HAGH: variants seen among roughly 807,000 people sequenced by gnomAD.
HAGH encodes hydroxyacylglutathione hydrolase.
A neutral mutation model predicts 35.1 loss-of-function variants in HAGH; 29 were observed. That is an observed-to-expected ratio of 0.83 (90% CI 0.62 to 1.13). The LOEUF is 1.13. HAGH is among the 50% of genes most tolerant of loss of function. The pLI is 0.00. For synonymous variants in HAGH, 225 were observed against 176.1 expected (o/e 1.28, Z -2.20); for missense variants, 478 against 419.6 (o/e 1.14, Z -1.22).
rs939422802 is a variant in HAGH at position 1,819,284 on chromosome 16, T to A, written c.433-61A>T. Reference sequence around the variant, plus strand: ...CACCCTGGAGAGCCATCTCCCGGGGTCACGGCGCGCCGCCTGGGCCCTACT... The same window carrying A: ...CACCCTGGAGAGCCATCTCCCGGGGACACGGCGCGCCGCCTGGGCCCTACT... On this transcript the variant is annotated intron_variant, in intron 4 of 8. Coordinates refer to ENST00000397356, the MANE Select transcript of HAGH (RefSeq NM_005326.6). The A allele has an allele frequency of 3.6e-6, 4 of 1,108,802 alleles. No homozygotes were observed. In the African/African-American group the frequency reaches 6.2e-5, roughly 17 times the overall value. The allele number at this position is 1,108,802 out of a possible 1,614,324, so 68.7% of individuals were successfully genotyped here. A position where few individuals can be genotyped will look rare whatever the true frequency, so the allele number is the denominator to read the frequency against.
chr16:1,827,003 G>GGCT, upstream of HAGH: 1 of 668,512 alleles, frequency 1.5e-6, no homozygotes. Flanking sequence ...CGGCGGCGGC[G>GGCT]GCCCGAGAGC....
intron 2 of HAGH, 38 bp from the exon 3 acceptor site, chr16:1,822,402 C>T: frequency 3.4e-6 from 5 of 1,492,382 alleles, no homozygotes; most frequent in Non-Finnish European, 4.7e-6. Context: ...GCCTGTCACA[C>T]TCCTAGGCCT....
At position 1,816,931 on chromosome 16, in the gene HAGH, C is replaced by A. The variant is rs146616406; in HGVS notation, c.709G>T (p.Gly237Cys). 4 of 1,613,830 alleles carry A rather than the reference C, an allele frequency of 2.5e-6. No homozygotes were observed. The highest frequency in any genetic ancestry group is 2.5e-6 in the Non-Finnish European group (3 of 1,179,798). ...AGCTTCTCCCGGATGGCGGCATTGCCGGGCTCCACGTGGCGTGCAAACTTG... is the reference window on the plus strand; with the variant it reads ...AGCTTCTCCCGGATGGCGGCATTGCAGGGCTCCACGTGGCGTGCAAACTTG... The part of the protein sequence containing the change: ...NLKFARHVEP[G>C]NAAIREKLAW... Residue 237 changes from glycine (G) to cysteine (C), a missense_variant, in exon 7 of 9, where the codon GGC becomes TGC. Physicochemically the swap from Gly to Cys is radical, Grantham distance 159. Transcript: ENST00000397356.
intron 7 of HAGH, among the ~76,000 whole-genome samples, chr16:1,812,968 G>A (rs914304785): frequency 1.3e-5 from 2 of 152,174 alleles, no homozygotes; most frequent in Admixed American, 6.5e-5. Flanking sequence ...CACAAGCACC[G>A]GGGAAGGGGA....
rs942241987 is a variant in HAGH, at chr16:1,809,246, G to C, written c.*37C>G. 7.8e-6 allele frequency: 11 copies of C among 1,410,632 alleles called. No homozygotes were observed. 87.4% of individuals were successfully genotyped at this position (1,410,632 alleles called of 1,614,324 possible). The stretch of plus-strand genomic sequence containing the variant: ...GCAGGAAAGCCAGTTACCTAAAAGA[G>C]CCTAATCCCCAAATCCGCTGAAGGT... On this transcript the variant is annotated 3_prime_UTR_variant, in exon 9 of 9. Coordinates refer to ENST00000397356, the MANE Select transcript of HAGH (RefSeq NM_005326.6).
Position 1,809,138 on chromosome 16 carries a change from A to T in HAGH, c.*145T>A, listed in dbSNP as rs1012136469. 1 of 631,652 alleles carries T rather than the reference A, an allele frequency of 1.6e-6. No individual in the cohort carries two copies. Among genetic ancestry groups the T allele is most frequent in the African/African-American group, 1.8e-5 (1 of 55,014 alleles). The allele number at this position is 631,652 out of a possible 1,614,324, so 39.1% of individuals were successfully genotyped here. A position where few individuals can be genotyped will look rare whatever the true frequency, so the allele number is the denominator to read the frequency against. On this transcript the variant is annotated 3_prime_UTR_variant, in exon 9 of 9. Transcript: ENST00000397356. The stretch of plus-strand genomic sequence containing the variant: ...AAATACTTGTTAAACTTCTCTTATA[A>T]ATATGCATTAGAATGTCCGATAACA...
chr16:1,824,535 G>C (rs184376083), intron 1 of HAGH, among the ~76,000 whole-genome samples: 3 of 151,990 alleles, frequency 2.0e-5, no homozygotes, highest in Admixed American at 2.0e-4. Flanking sequence ...AATACCTTCA[G>C]TTCCGCTCTA....
upstream of HAGH, chr16:1,827,047 TC>T: frequency 1.2e-6 from 1 of 834,190 alleles, no homozygotes; most frequent in Non-Finnish European, 1.8e-6. Context: ...AGCCTCCGCC[TC>T]TTTTTTGGCA....
At chr16:1,822,563 T>C (rs953349887) in intron 2 of HAGH, among the ~76,000 whole-genome samples, 199 bp from the exon 3 acceptor site, 2 of 152,032 alleles carry the variant, frequency 1.3e-5, no homozygotes. Context: ...CTGACACTCT[T>C]GCAACCACCT....
chr16:1,809,877 T>G, intron 7 of HAGH, 44 bp from the exon 8 acceptor site: 7 of 1,468,974 alleles, frequency 4.8e-6, no homozygotes, highest in Non-Finnish European at 6.7e-6. Context: ...CTTCACAGGA[T>G]GGCAGACCAG....
At chr16:1,823,170 G>T in intron 1 of HAGH, 133 bp from the exon 2 acceptor site, 1 of 748,978 alleles carries the variant, frequency 1.3e-6, no homozygotes, top group Non-Finnish European at 2.2e-6. Flanking sequence ...GGTGGTTCTT[G>T]CCGGGAATCC....
Position 1,809,032 on chromosome 16 carries a change from G to A in HAGH, c.*251C>T, listed in dbSNP as rs1389099821. 4.2e-6 allele frequency: 2 copies of A among 471,952 alleles called. No individual in the cohort carries two copies. The highest frequency in any genetic ancestry group is 2.0e-5 in the African/African-American group (1 of 51,094). The allele number at this position is 471,952 out of a possible 1,614,324, so 29.2% of individuals were successfully genotyped here. A position where few individuals can be genotyped will look rare whatever the true frequency, so the allele number is the denominator to read the frequency against. On this transcript the variant is annotated 3_prime_UTR_variant, in exon 9 of 9. Transcript: ENST00000397356. ...GGGTGGGGGGACTGCAGTGGCTCACGGAGGAGGAAGGAGGCCCGAGGGGAC... is the reference window on the plus strand; with the variant it reads ...GGGTGGGGGGACTGCAGTGGCTCACAGAGGAGGAAGGAGGCCCGAGGGGAC...
At chr16:1,817,903 AGGAGGGTGCCCAGCACCCAGCACAGT>A (rs1897979873) in intron 5 of HAGH, among the ~76,000 whole-genome samples, 1 of 152,282 alleles carries the variant, frequency 6.6e-6, no homozygotes, top group African/African-American at 2.4e-5. Flanking sequence ...GTCCCCTGAG[AGGAGGGTGCCCAGCACCCAGCACAGT>A]GGAGGCCGCC....
chr16:1,822,303 T>C lies in HAGH; in HGVS notation c.311A>G (p.His104Arg). 4 of 1,605,162 alleles carry C rather than the reference T, an allele frequency of 2.5e-6. No individual in the cohort carries two copies. The highest frequency in any genetic ancestry group is 3.4e-6 in the Non-Finnish European group (4 of 1,172,668). ...CCAGGTGAGACGCGGCACTTACCAG[T>C]GGTGGTGGGTGGTGAGCACTGTGGT... Reference protein sequence around the residue: ...KLTTVLTTHHHWDHAGGNEKL... With the variant: ...KLTTVLTTHHRWDHAGGNEKL... The change falls in exon 3 of 9, where the codon CAC becomes CGC. Residue 104 changes from histidine to arginine, a missense_variant. Transcript: ENST00000397356.
chr16:1,814,194 G>C (rs768366377), intron 7 of HAGH, among the ~76,000 whole-genome samples: 1 of 152,170 alleles, frequency 6.6e-6, no homozygotes, highest in Non-Finnish European at 1.5e-5. Flanking sequence ...AATTGAGTAG[G>C]CCGGGCGCAG....
intron 4 of HAGH, 106 bp from the exon 5 acceptor site, chr16:1,819,329 G>A (rs1349614345): frequency 4.5e-6 from 3 of 663,588 alleles, no homozygotes; most frequent in Non-Finnish European, 5.2e-6. Flanking sequence ...CAGCTCTGAG[G>A]GAAATGCCCG....
intron 1 of HAGH, among the ~76,000 whole-genome samples, chr16:1,824,548 C>T (rs992421441): frequency 2.6e-5 from 4 of 152,200 alleles, no homozygotes; most frequent in African/African-American, 7.2e-5. Context: ...CCGCTCTACA[C>T]GGGGAAGAAA....
Position 1,826,774 on chromosome 16 carries a change from C to G in HAGH, c.14G>C (p.Arg5Pro), listed in dbSNP as rs1898455497. The change falls in exon 1 of 9, where the codon CGA becomes CCA. Residue 5 changes from arginine to proline, a missense_variant. Arg to Pro is a moderately radical substitution (Grantham distance 103). Transcript: ENST00000397356. Reference sequence around the variant, plus strand: ...GAGGCTGCGGCGGCCGAGCAGCCCTCGGCCCACCACCATGACCCGGGCCGG... The same window carrying G: ...GAGGCTGCGGCGGCCGAGCAGCCCTGGGCCCACCACCATGACCCGGGCCGG... MVVGRGLLGRRSLAA... is the reference protein window; with the variant it reads MVVGPGLLGRRSLAA... The G allele has an allele frequency of 8.3e-7, 1 of 1,212,024 alleles. No homozygotes were observed. Among genetic ancestry groups the G allele is most frequent in the African/African-American group, 1.6e-5 (1 of 63,422 alleles). The allele number at this position is 1,212,024 out of a possible 1,614,324, so 75.1% of individuals were successfully genotyped here.
rs368922133 is a variant in HAGH at position 1,817,421 on chromosome 16, C to T, written c.542-150G>A. On this transcript the variant is annotated intron_variant, in intron 5 of 8. Transcript: ENST00000397356. The stretch of plus-strand genomic sequence containing the variant: ...GCCACGGCTGCCCAGACTCAGCCCC[C>T]CTGCATTCCGGCTCCCACATCTCCT... The T allele has an allele frequency of 3.1e-5, 20 of 648,052 alleles. No individual in the cohort carries two copies. The Admixed American group carries it at 4.7e-4, about 15-fold the overall frequency. The allele number at this position is 648,052 out of a possible 1,614,324, so 40.1% of individuals were successfully genotyped here.
Sources: gnomAD v4.1 joint callset for allele counts (sites outside exome capture counted in the v4.1 genomes callset) on GRCh38, gnomAD v4.1.1 for gene constraint, MANE v1.5 for transcripts, NCBI Gene and HGNC (gene_info 2026-07-23, HGNC 2026-07-21) for gene names.